RBFOX1: variants seen among roughly 807,000 people sequenced by gnomAD.
RBFOX1 encodes the protein RNA binding protein fox-1 homolog 1.
A neutral mutation model predicts 57.7 loss-of-function variants in RBFOX1; 8 were observed. The observed-to-expected ratio is 0.14, with a 90% CI of 0.08 to 0.25. The LOEUF is 0.25. Among genes scored for constraint, RBFOX1 ranks in the 10% least tolerant of loss-of-function variants. The probability of loss-of-function intolerance (pLI) is 1.00; values close to 1 mark genes in which losing one functional copy is unlikely to be tolerated. For synonymous variants in RBFOX1, 326 were observed against 222.4 expected (o/e 1.47, Z -4.15); for missense variants, 611 against 548.5 (o/e 1.11, Z -1.14).
At chr16:5,259,877 G>A (rs542774944) in intron 1 of RBFOX1, among the ~76,000 whole-genome samples, 4 of 152,144 alleles carry the variant, frequency 2.6e-5, no homozygotes, top group South Asian at 2.1e-4. Flanking sequence ...TGACTTCTGC[G>A]GAGTGGGTAT....
At chr16:5,711,284 C>T (rs2051478064) in intron 3 of RBFOX1, among the ~76,000 whole-genome samples, 1 of 152,182 alleles carries the variant, frequency 6.6e-6, no homozygotes, top group South Asian at 2.1e-4. Context: ...TTGTTATCTA[C>T]ATTGCTCAGA....
At chr16:5,672,826 G>A (rs1046208628) in intron 3 of RBFOX1, among the ~76,000 whole-genome samples, 4 of 151,658 alleles carry the variant, frequency 2.6e-5, no homozygotes, top group Non-Finnish European at 4.4e-5. Context: ...AGAAATAAGA[G>A]AGGGATGATC....
intron 7 of RBFOX1, among the ~76,000 whole-genome samples, chr16:7,590,308 C>T (rs2094375499): frequency 6.6e-6 from 1 of 151,856 alleles, no homozygotes; most frequent in Admixed American, 6.6e-5. Context: ...GATCCAGTAT[C>T]TATATTCCAG....
intron 7 of RBFOX1, among the ~76,000 whole-genome samples, chr16:7,594,544 A>G (rs1389321129): frequency 6.6e-6 from 1 of 152,230 alleles, no homozygotes; most frequent in Non-Finnish European, 1.5e-5. Flanking sequence ...AGTGAAGACA[A>G]AATACGGATT....
chr16:7,465,188 A>G (rs976384981), intron 4 of RBFOX1, among the ~76,000 whole-genome samples: 1 of 152,112 alleles, frequency 6.6e-6, no homozygotes, highest in African/African-American at 2.4e-5. Flanking sequence ...CATTCTTTAC[A>G]AACCTAGCTC....
At chr16:7,216,546 T>C (rs933565613) in intron 4 of RBFOX1, among the ~76,000 whole-genome samples, 4 of 152,032 alleles carry the variant, frequency 2.6e-5, no homozygotes, top group Non-Finnish European at 5.9e-5. Context: ...AATATAATGA[T>C]AGGAGTAAAG....
chr16:6,939,999 AC>A (rs1380034048), intron 3 of RBFOX1, among the ~76,000 whole-genome samples: 1 of 152,194 alleles, frequency 6.6e-6, no homozygotes, highest in African/African-American at 2.4e-5. Context: ...CATCCATAGC[AC>A]TTTGAAAAGG....
intron 2 of RBFOX1, among the ~76,000 whole-genome samples, chr16:5,579,926 AT>A (rs2046605341): frequency 2.0e-5 from 3 of 151,670 alleles, no homozygotes; most frequent in Admixed American, 2.0e-4. Flanking sequence ...CGCCCGGCTA[AT>A]TTTTTTCTTT....
intron 4 of RBFOX1, among the ~76,000 whole-genome samples, chr16:7,316,128 CAAG>C (rs1476617408): frequency 3.3e-5 from 5 of 152,174 alleles, no homozygotes; most frequent in South Asian, 2.1e-4. Context: ...TGCAGCGTGC[CAAG>C]AAGATTATGT....
intron 1 of RBFOX1, among the ~76,000 whole-genome samples, chr16:5,297,554 C>T (rs185374604): frequency 1.3e-5 from 2 of 152,086 alleles, no homozygotes; most frequent in Non-Finnish European, 2.9e-5. Flanking sequence ...TGAGAAATGT[C>T]TACTTAGATC....
intron 3 of RBFOX1, among the ~76,000 whole-genome samples, chr16:7,003,471 AG>A (rs1029453893): frequency 1.3e-5 from 2 of 151,554 alleles, no homozygotes; most frequent in African/African-American, 4.8e-5. Context: ...AAAAAAAAAA[AG>A]AAAAAATTAT....
intron 3 of RBFOX1, among the ~76,000 whole-genome samples, chr16:6,884,343 T>A (rs1364813771): frequency 6.6e-6 from 1 of 152,190 alleles, no homozygotes; most frequent in Non-Finnish European, 1.5e-5. Context: ...ACCTGGCAGC[T>A]TCTTCCAAAG....
At chr16:6,895,701 G>C (rs548376340) in intron 3 of RBFOX1, among the ~76,000 whole-genome samples, 5 of 151,728 alleles carry the variant, frequency 3.3e-5, no homozygotes, top group South Asian at 2.1e-4. Context: ...TAAAGGAAGA[G>C]TAAAGGATAC....
At chr16:6,718,757 C>A (rs1040927777) in intron 3 of RBFOX1, among the ~76,000 whole-genome samples, 6 of 152,170 alleles carry the variant, frequency 3.9e-5, no homozygotes, top group African/African-American at 1.4e-4. Context: ...ACAGCAAAAT[C>A]CCAAATGAGT....
intron 4 of RBFOX1, among the ~76,000 whole-genome samples, chr16:7,313,209 A>C (rs536493218): frequency 6.6e-6 from 1 of 152,216 alleles, no homozygotes; most frequent in Non-Finnish European, 1.5e-5. Context: ...ACTCGTTGAC[A>C]GGTTCCCTCA....
chr16:7,065,792 A>T (rs1193790138), intron 4 of RBFOX1, among the ~76,000 whole-genome samples: 3 of 152,146 alleles, frequency 2.0e-5, no homozygotes, highest in South Asian at 2.1e-4. Flanking sequence ...TTATTTGACC[A>T]ATATCTCCTA....
intron 2 of RBFOX1, among the ~76,000 whole-genome samples, chr16:6,380,688 T>C (rs1031862421): frequency 2.6e-5 from 4 of 151,414 alleles, no homozygotes; most frequent in Admixed American, 6.6e-5. Flanking sequence ...ACAAATCTCT[T>C]TGGGGGCATA....
intron 1 of RBFOX1, among the ~76,000 whole-genome samples, chr16:5,358,083 C>A (rs938753): frequency 3.1e-4 from 47 of 152,226 alleles, no homozygotes; most frequent in African/African-American, 1.1e-3. Flanking sequence ...GGCAGTATGG[C>A]TTCCACTGGA....
intron 2 of RBFOX1, among the ~76,000 whole-genome samples, chr16:5,572,930 C>T (rs2046331312): frequency 6.6e-6 from 1 of 152,068 alleles, no homozygotes; most frequent in Non-Finnish European, 1.5e-5. Flanking sequence ...AAGGCATTTT[C>T]TCTGAGGGAG....
Sources: allele counts gnomAD v4.1 joint callset (sites outside exome capture counted in the v4.1 genomes callset), GRCh38; gene constraint gnomAD v4.1.1; transcripts MANE v1.5; gene names NCBI Gene and HGNC (gene_info 2026-07-23, HGNC 2026-07-21).